CADPS2: variants seen among roughly 807,000 people sequenced by gnomAD.
CADPS2 encodes the protein calcium-dependent secretion activator 2.
CADPS2 carries 93 observed loss-of-function variants against 172.5 expected under a neutral mutation model. The observed-to-expected ratio is 0.54, with a 90% CI of 0.46 to 0.64. The LOEUF (loss-of-function observed/expected upper bound fraction) is 0.64. CADPS2 is among the 30% of genes least tolerant of loss of function. CADPS2 has a pLI of 0.00. For missense variants in CADPS2, 1,420 were observed against 1,565.9 expected, an observed-to-expected ratio of 0.91 and a Z score of 1.57; for synonymous variants, 546 against 555.2, an observed-to-expected ratio of 0.98 and a Z score of 0.23.
At chr7:122,744,152 C>T (rs2092619142) in intron 1 of CADPS2, among the ~76,000 whole-genome samples, 1 of 152,190 alleles carries the variant, frequency 6.6e-6, no homozygotes, top group African/African-American at 2.4e-5. Context: ...CTAAAGTAAA[C>T]ACACTTTGCT....
At chr7:122,802,713 C>A (rs1007158843) in intron 1 of CADPS2, among the ~76,000 whole-genome samples, 3 of 152,144 alleles carry the variant, frequency 2.0e-5, no homozygotes, top group East Asian at 3.8e-4. Context: ...GCTTATTGTT[C>A]TTAAAATTCT....
At chr7:122,612,982 G>A (rs1279547409) in intron 6 of CADPS2, among the ~76,000 whole-genome samples, 2 of 152,068 alleles carry the variant, frequency 1.3e-5, no homozygotes. Context: ...TGGGACAACT[G>A]AATAGTTCCA....
chr7:122,886,178 CCGCGCCGCCGCCGCCCG>C lies in CADPS2; in HGVS notation c.143_159del (p.Ala48GlyfsTer25). 3 of 1,479,258 alleles carry C rather than the reference CCGCGCCGCCGCCGCCCG, an allele frequency of 2.0e-6. No homozygotes were observed. Among genetic ancestry groups the C allele is most frequent in the Non-Finnish European group, 2.7e-6 (3 of 1,123,334 alleles). The allele number at this position is 1,479,258 out of a possible 1,614,324, so 91.6% of individuals were successfully genotyped here. On this transcript the variant is annotated frameshift_variant, in exon 1 of 30. Transcript: ENST00000449022. LOFTEE classifies it high-confidence loss of function. ...GAGGGGCTCGGGCTCACAGATCTGG[CCGCGCCGCCGCCGCCCG>C]CGCGCCCCGGCGCGTCCCGCCGCCC...
chr7:122,682,723 T>A (rs912157038), intron 2 of CADPS2, among the ~76,000 whole-genome samples: 1 of 152,148 alleles, frequency 6.6e-6, no homozygotes, highest in Non-Finnish European at 1.5e-5. Context: ...GTAACAAAAC[T>A]GAGAGGGCAT....
rs184474405 is a variant in CADPS2 at position 122,702,829 on chromosome 7, T to C, written c.453+34126A>G. The C allele has an allele frequency of 3.1e-4, 340 of 1,111,690 alleles. 3 individuals are homozygous for C. The East Asian group carries it at 7.0e-3, about 23-fold the overall frequency. The allele number at this position is 1,111,690 out of a possible 1,614,324, so 68.9% of individuals were successfully genotyped here. ...GTAGAAGAACATAAAGAAGATAGCT[T>C]GTTGGCGGCAGATTACTAAAGCACA... is the stretch of plus-strand genomic sequence containing the variant. On this transcript the variant is annotated intron_variant, in intron 2 of 29. Transcript: ENST00000449022.
At position 122,640,470 on chromosome 7, in the gene CADPS2, T is replaced by C. The variant is rs528718777; in HGVS notation, c.787-11142A>G. On this transcript the variant is annotated intron_variant, in intron 3 of 29. Transcript: ENST00000449022. ...AAGTGGTTGTGTGTGCACACACATA[T>C]ACACACACACACACACACACAGAGA... Among the ~76,000 whole-genome samples, 368 of 137,594 alleles carry C rather than the reference T, an allele frequency of 2.7e-3. 2 individuals carry two copies. The highest frequency in any genetic ancestry group is 8.4e-3 in the African/African-American group (319 of 38,172). The allele number at this position is 137,594 out of a possible 152,430, so 90.3% of individuals were successfully genotyped here. A position where few individuals can be genotyped will look rare whatever the true frequency, so the allele number is the denominator to read the frequency against.
intron 1 of CADPS2, among the ~76,000 whole-genome samples, chr7:122,870,410 A>C (rs1819460630): frequency 6.6e-6 from 1 of 152,034 alleles, no homozygotes; most frequent in African/African-American, 2.4e-5. Flanking sequence ...AGTTATAATA[A>C]TTGTAAATAT....
chr7:122,799,721 A>G (rs968886707), intron 1 of CADPS2, among the ~76,000 whole-genome samples: 8 of 152,112 alleles, frequency 5.3e-5, no homozygotes, highest in Non-Finnish European at 8.8e-5. Context: ...CTGAACAAGG[A>G]GATTAAAATG....
intron 7 of CADPS2, among the ~76,000 whole-genome samples, chr7:122,568,562 A>C (rs2066774979): frequency 6.6e-6 from 1 of 152,178 alleles, no homozygotes; most frequent in Non-Finnish European, 1.5e-5. Flanking sequence ...ACAGATATAT[A>C]GATAATTGAT....
Position 122,668,030 on chromosome 7 carries a change from T to C in CADPS2, c.454-4461A>G, listed in dbSNP as rs533143533. Among the ~76,000 whole-genome samples, 29 of 152,132 alleles carry C rather than the reference T, an allele frequency of 1.9e-4. No homozygotes were observed. In the East Asian group the frequency reaches 4.7e-3, roughly 24 times the overall value. On this transcript the variant is annotated intron_variant, in intron 2 of 29. Transcript: ENST00000449022. ...ATGGTTAGAAGCATACGTTAGGTAATTGGTGGCAGCACCAAGGGTAGACAA... is the reference window on the plus strand; with the variant it reads ...ATGGTTAGAAGCATACGTTAGGTAACTGGTGGCAGCACCAAGGGTAGACAA...
At chr7:122,589,446 T>C (rs2070376077) in intron 6 of CADPS2, among the ~76,000 whole-genome samples, 1 of 151,922 alleles carries the variant, frequency 6.6e-6, no homozygotes, top group Non-Finnish European at 1.5e-5. Flanking sequence ...TAAGGCAGTC[T>C]TGTGGAAAAC....
chr7:122,372,287 A>G (rs914611448), intron 25 of CADPS2, among the ~76,000 whole-genome samples: 3 of 152,184 alleles, frequency 2.0e-5, no homozygotes, highest in Admixed American at 2.0e-4. Context: ...TAAAGCTGGA[A>G]GTGGAAAAGT....
At chr7:122,347,442 G>A (rs999689756) in intron 27 of CADPS2, among the ~76,000 whole-genome samples, 1 of 152,066 alleles carries the variant, frequency 6.6e-6, no homozygotes, top group South Asian at 2.1e-4. Context: ...AAGAATTACT[G>A]CAATCTCTTA....
At chr7:122,548,494 A>G (rs935873674) in intron 8 of CADPS2, among the ~76,000 whole-genome samples, 3 of 152,232 alleles carry the variant, frequency 2.0e-5, no homozygotes, top group Non-Finnish European at 2.9e-5. Context: ...AATGAGATCA[A>G]CAATGTATCA....
chr7:122,446,976 GTGGGA>G (rs1401525831), intron 15 of CADPS2, among the ~76,000 whole-genome samples: 6 of 150,096 alleles, frequency 4.0e-5, no homozygotes, highest in Admixed American at 2.0e-4. Context: ...ATTGTTTTGG[GTGGGA>G]GGCTAAATAT....
At chr7:122,715,674 C>T (rs985884726) in intron 2 of CADPS2, among the ~76,000 whole-genome samples, 3 of 151,088 alleles carry the variant, frequency 2.0e-5, no homozygotes, top group Non-Finnish European at 2.9e-5. Flanking sequence ...CTCACAGACA[C>T]AAGGCTTAAA....
intron 3 of CADPS2, among the ~76,000 whole-genome samples, chr7:122,636,484 G>C (rs1055857310): frequency 5.1e-5 from 3 of 58,744 alleles, no homozygotes; most frequent in East Asian, 5.9e-4. Flanking sequence ...TTTTTTTTTT[G>C]AGATGGAGTC....
At chr7:122,645,504 ATATATATACTTATATATATATAAG>A (rs1407172460) in intron 3 of CADPS2, among the ~76,000 whole-genome samples, 1 of 123,554 alleles carries the variant, frequency 8.1e-6, no homozygotes, top group Non-Finnish European at 1.7e-5. Context: ...ATATATAAGT[ATATATATACTTATATATATATAAG>A]TATATATATA....
chr7:122,775,158 C>A (rs73719774), intron 1 of CADPS2, among the ~76,000 whole-genome samples: 1 of 151,878 alleles, frequency 6.6e-6, no homozygotes. Context: ...TATCCAATGG[C>A]GATATTAAAA....
Sources: gnomAD v4.1 joint callset for allele counts (sites outside exome capture counted in the v4.1 genomes callset) on GRCh38, gnomAD v4.1.1 for gene constraint, MANE v1.5 for transcripts, NCBI Gene and HGNC (gene_info 2026-07-23, HGNC 2026-07-21) for gene names.